IL1RAPL1: variants seen among roughly 807,000 people sequenced by gnomAD.
The protein encoded by IL1RAPL1 is interleukin-1 receptor accessory protein-like 1.
IL1RAPL1 carries 3 observed loss-of-function variants against 48.4 expected under a neutral mutation model. That is an observed-to-expected ratio of 0.06 (90% CI 0.03 to 0.16). The LOEUF (loss-of-function observed/expected upper bound fraction) is 0.16. Ranked by LOEUF, IL1RAPL1 falls within the 10% of genes least tolerant of loss-of-function variation. The probability of loss-of-function intolerance (pLI) is 1.00; values close to 1 mark genes in which losing one functional copy is unlikely to be tolerated. For synonymous variants in IL1RAPL1, 185 were observed against 187.7 expected, an observed-to-expected ratio of 0.99 and a Z score of 0.12; for missense variants, 349 against 530.6, an observed-to-expected ratio of 0.66 and a Z score of 3.36.
chrX:29,707,854 T>A (rs1355650406), intron 6 of IL1RAPL1, among the ~76,000 whole-genome samples: 1 of 110,039 alleles, frequency 9.1e-6, no homozygotes, highest in Non-Finnish European at 1.9e-5. Flanking sequence ...CAGTGATGGG[T>A]CCACCAAAGT....
intron 2 of IL1RAPL1, among the ~76,000 whole-genome samples, chrX:29,229,420 C>T (rs1931151655): frequency 9.0e-6 from 1 of 111,323 alleles, no homozygotes; most frequent in East Asian, 2.8e-4. Flanking sequence ...AAAAAACTCT[C>T]TAAAGTGTAC....
At chrX:29,803,555 A>G (rs752894657) in intron 6 of IL1RAPL1, among the ~76,000 whole-genome samples, 2 of 100,077 alleles carry the variant, frequency 2.0e-5, no homozygotes, top group South Asian at 4.4e-4. Context: ...ATATGTGTGT[A>G]TATATGTATA....
At chrX:28,924,312 T>A (rs1361769809) in intron 2 of IL1RAPL1, among the ~76,000 whole-genome samples, 1 of 112,295 alleles carries the variant, frequency 8.9e-6, no homozygotes, top group Admixed American at 9.5e-5. Context: ...AATATTTTAG[T>A]AATAATTTTT....
At chrX:29,326,500 T>C (rs2147629859) in intron 3 of IL1RAPL1, among the ~76,000 whole-genome samples, 1 of 112,770 alleles carries the variant, frequency 8.9e-6, no homozygotes, top group South Asian at 3.7e-4. Flanking sequence ...TTAGAATCTG[T>C]GTTTACCTTG....
At chrX:29,906,671 C>T (rs1370556735) in intron 6 of IL1RAPL1, among the ~76,000 whole-genome samples, 1 of 105,570 alleles carries the variant, frequency 9.5e-6, no homozygotes, top group East Asian at 3.1e-4. Context: ...TTCCTGCTTA[C>T]AGGACCTGCC....
intron 5 of IL1RAPL1, among the ~76,000 whole-genome samples, chrX:29,448,311 T>C (rs755833713): frequency 3.6e-5 from 4 of 111,789 alleles, no homozygotes; most frequent in Non-Finnish European, 7.5e-5. Context: ...AAGAATAATC[T>C]GAAGGCAAAA....
At chrX:29,692,996 G>A (rs752856356) in intron 6 of IL1RAPL1, among the ~76,000 whole-genome samples, 10 of 111,598 alleles carry the variant, frequency 9.0e-5, no homozygotes, top group South Asian at 3.7e-4. Context: ...AGAGATGAGC[G>A]GGAAAAGGTT....
At chrX:29,552,060 G>T (rs772026672) in intron 5 of IL1RAPL1, among the ~76,000 whole-genome samples, 30 of 111,389 alleles carry the variant, frequency 2.7e-4, no homozygotes, top group Non-Finnish European at 4.7e-4. Flanking sequence ...TGTCTGCTCT[G>T]CAGGCCCAAT....
At chrX:29,646,003 C>T (rs1925313539) in intron 5 of IL1RAPL1, among the ~76,000 whole-genome samples, 1 of 111,944 alleles carries the variant, frequency 8.9e-6, no homozygotes, top group Non-Finnish European at 1.9e-5. Flanking sequence ...CCTACTTGTT[C>T]AGTGCACAGA....
intron 6 of IL1RAPL1, among the ~76,000 whole-genome samples, chrX:29,884,650 T>G (rs999171784): frequency 1.3e-4 from 14 of 111,149 alleles, no homozygotes; most frequent in African/African-American, 3.9e-4. Context: ...AAATCTTGCA[T>G]ACCTAACTGT....
Position 29,399,215 on chromosome X carries a change from A to G in IL1RAPL1, c.610A>G (p.Arg204Gly), listed in dbSNP as rs1933957306. The G allele has an allele frequency of 1.0e-5, 12 of 1,187,279 alleles. No individual in the cohort carries two copies. Among genetic ancestry groups the G allele is most frequent in the Non-Finnish European group, 1.4e-5 (12 of 874,535 alleles). The change falls in exon 5 of 11, where the codon AGA (arginine) becomes GGA (glycine). Residue 204 changes from arginine (R) to glycine (G), a missense_variant. Arg to Gly is a moderately radical substitution (Grantham distance 125). Transcript: ENST00000378993. ...IVFKRDTLLI[R>G]EVREDDIGNY... ...ATTCAAAAGAGATACTCTGCTTATA[A>G]GAGAAGTCAGAGAAGATGACATTGG...
At chrX:28,851,216 A>G (rs1302794780) in intron 2 of IL1RAPL1, among the ~76,000 whole-genome samples, 2 of 109,484 alleles carry the variant, frequency 1.8e-5, no homozygotes, top group Non-Finnish European at 3.8e-5. Context: ...GATCAAGACA[A>G]TGAGACATTT....
intron 1 of IL1RAPL1, among the ~76,000 whole-genome samples, chrX:28,626,776 CT>C (rs946367041): frequency 8.9e-6 from 1 of 112,368 alleles, no homozygotes; most frequent in African/African-American, 3.2e-5. Flanking sequence ...TCATTCAGAC[CT>C]TCGCCTTTTG....
At chrX:28,821,804 T>A (rs1209937963) in intron 2 of IL1RAPL1, among the ~76,000 whole-genome samples, 1 of 111,199 alleles carries the variant, frequency 9.0e-6, no homozygotes, top group Admixed American at 9.6e-5. Context: ...TTCTTACACA[T>A]TGCTTCAGTT....
At chrX:29,169,241 T>C (rs1006936114) in intron 2 of IL1RAPL1, among the ~76,000 whole-genome samples, 1 of 109,779 alleles carries the variant, frequency 9.1e-6, no homozygotes, top group Admixed American at 1.0e-4. Context: ...AACTCCATAC[T>C]GTTTTCCATA....
chrX:29,553,304 C>T (rs972443071), intron 5 of IL1RAPL1, among the ~76,000 whole-genome samples: 3 of 111,324 alleles, frequency 2.7e-5, no homozygotes, highest in African/African-American at 6.5e-5. Context: ...CCATGGCTTC[C>T]GTTTCCTCTA....
At chrX:29,004,615 C>G (rs1925932417) in intron 2 of IL1RAPL1, among the ~76,000 whole-genome samples, 1 of 112,327 alleles carries the variant, frequency 8.9e-6, no homozygotes, top group African/African-American at 3.2e-5. Context: ...CTAATAAACA[C>G]ATTTTTAATT....
chrX:29,093,562 G>A (rs182922090), intron 2 of IL1RAPL1, among the ~76,000 whole-genome samples: 42 of 111,543 alleles, frequency 3.8e-4, no homozygotes, highest in Non-Finnish European at 2.4e-4. Context: ...ATGATAGAAA[G>A]ACATGTTCTC....
At chrX:28,892,915 C>G (rs1922812096) in intron 2 of IL1RAPL1, among the ~76,000 whole-genome samples, 1 of 111,287 alleles carries the variant, frequency 9.0e-6, no homozygotes, top group Admixed American at 9.6e-5. Flanking sequence ...GGACCTAGGA[C>G]GTTTAATTAG....
Sources: allele counts gnomAD v4.1 joint callset (sites outside exome capture counted in the v4.1 genomes callset), GRCh38; gene constraint gnomAD v4.1.1; transcripts MANE v1.5; gene names NCBI Gene and HGNC (gene_info 2026-07-23, HGNC 2026-07-21).